The following CLEC16A variants were observed in gnomAD, a reference collection of about 807,000 sequenced individuals.
The protein encoded by CLEC16A is protein CLEC16A.
Under a neutral mutation model 109.5 loss-of-function variants are expected in CLEC16A, and 51 were observed. The observed-to-expected ratio is 0.47, with a 90% confidence interval of 0.37 to 0.59. The LOEUF (loss-of-function observed/expected upper bound fraction) is 0.59. CLEC16A is among the 20% of genes least tolerant of loss of function. The pLI, the probability that CLEC16A is intolerant of heterozygous loss-of-function variation, is 0.00. For missense variants in CLEC16A, 1,339 were observed against 1,394.0 expected (o/e 0.96, Z 0.63); for synonymous variants, 673 against 564.2 (o/e 1.19, Z -2.73).
chr16:11,036,856 C>A (rs62029605), intron 13 of CLEC16A, among the ~76,000 whole-genome samples: 1 of 152,156 alleles, frequency 6.6e-6, no homozygotes, highest in Non-Finnish European at 1.5e-5. Flanking sequence ...GCCTAACTTT[C>A]CTTTTATAAC....
intron 19 of CLEC16A, among the ~76,000 whole-genome samples, chr16:11,098,857 CAG>C (rs1403671267): frequency 6.6e-6 from 1 of 152,260 alleles, no homozygotes; most frequent in Non-Finnish European, 1.5e-5. Flanking sequence ...GGGGCCAGGA[CAG>C]AGAGATGCCC....
intron 13 of CLEC16A, among the ~76,000 whole-genome samples, chr16:11,032,844 C>T (rs1389056903): frequency 6.6e-6 from 1 of 152,108 alleles, no homozygotes; most frequent in Non-Finnish European, 1.5e-5. Flanking sequence ...TCATGAAGGG[C>T]CTTGAAGGCC....
chr16:11,107,562 C>T (rs1265038126), intron 19 of CLEC16A, among the ~76,000 whole-genome samples: 1 of 152,176 alleles, frequency 6.6e-6, no homozygotes, highest in Non-Finnish European at 1.5e-5. Flanking sequence ...ACAGTCTCAG[C>T]CCTTCTTTTG....
intron 1 of CLEC16A, among the ~76,000 whole-genome samples, chr16:10,955,086 G>A (rs781111284): frequency 1.3e-5 from 2 of 152,158 alleles, no homozygotes; most frequent in Non-Finnish European, 2.9e-5. Flanking sequence ...GCAGAGAGGT[G>A]AAGCGCCTTG....
At chr16:11,087,834 A>G (rs1352700612) in intron 19 of CLEC16A, among the ~76,000 whole-genome samples, 1 of 152,210 alleles carries the variant, frequency 6.6e-6, no homozygotes, top group East Asian at 1.9e-4. Context: ...TGGCCAGGTC[A>G]CTGTGCTGCT....
chr16:11,008,988 G>C (rs1016945715), intron 11 of CLEC16A, among the ~76,000 whole-genome samples: 1 of 152,134 alleles, frequency 6.6e-6, no homozygotes, highest in Non-Finnish European at 1.5e-5. Context: ...AGCAGAGCGA[G>C]ACTCTGTCTC....
intron 19 of CLEC16A, among the ~76,000 whole-genome samples, chr16:11,114,417 C>G (rs2082919914): frequency 6.6e-6 from 1 of 152,122 alleles, no homozygotes; most frequent in Non-Finnish European, 1.5e-5. Flanking sequence ...CTCATGTCAC[C>G]TGTCAGCTGC....
chr16:11,020,390 G>GT, intron 12 of CLEC16A, 65 bp downstream of exon 12: 9 of 1,503,416 alleles, frequency 6.0e-6, no homozygotes, highest in Non-Finnish European at 8.0e-6. Flanking sequence ...CAGTGGGGAG[G>GT]TTGAGCCCTA....
rs199868443 is a variant in CLEC16A, at chr16:10,971,106, G to C, written c.493-19G>C. 1 of 1,569,082 alleles carries C rather than the reference G, an allele frequency of 6.4e-7. No homozygotes were observed. Among genetic ancestry groups the C allele is most frequent in the Non-Finnish European group, 8.8e-7 (1 of 1,141,032 alleles). ...GCTTATGGGCTTATAATTTGTTTTC[G>C]TTATTTCTTTTGTTTTAGCACACCA... On this transcript the variant is annotated intron_variant, in intron 4 of 23. Coordinates refer to ENST00000409790, the MANE Select transcript of CLEC16A (RefSeq NM_015226.3).
intron 12 of CLEC16A, 109 bp downstream of exon 12, chr16:11,020,434 A>G (rs2046029382): frequency 2.3e-6 from 3 of 1,328,950 alleles, no homozygotes; most frequent in African/African-American, 1.5e-5. Flanking sequence ...CAGCCCGACC[A>G]TGCTGCCTCC....
intron 19 of CLEC16A, among the ~76,000 whole-genome samples, chr16:11,111,920 G>C (rs986466914): frequency 6.6e-6 from 1 of 152,200 alleles, no homozygotes; most frequent in Non-Finnish European, 1.5e-5. Flanking sequence ...CTCCTTTGCT[G>C]CTATAAATTT....
chr16:11,020,212 G>A lies in CLEC16A; in HGVS notation c.1323G>A (p.Met441Ile), dbSNP rs1357143323. The A allele has an allele frequency of 1.2e-6, 2 of 1,612,572 alleles. No homozygotes were observed. Among genetic ancestry groups the A allele is most frequent in the Non-Finnish European group, 1.7e-6 (2 of 1,179,132 alleles). The part of the protein sequence containing the change: ...GESEEIEMVI[M>I]ERSKLSELAA... Reference sequence around the variant, plus strand: ...TTCCAGAGATCGAGATGGTGATCATGGAGCGTAGCAAGCTCTCAGAGCTGG... The same window carrying A: ...TTCCAGAGATCGAGATGGTGATCATAGAGCGTAGCAAGCTCTCAGAGCTGG... The change falls in exon 12 of 24, where the codon ATG becomes ATA. Residue 441 changes from methionine (M) to isoleucine (I), a missense_variant. This residue lies in a region of CLEC16A where 1,061 missense variants were observed against 1,006.8 expected (regional missense o/e 1.05). Transcript: ENST00000409790.
At chr16:10,992,214 C>T (rs1172245309) in intron 10 of CLEC16A, among the ~76,000 whole-genome samples, 2 of 152,146 alleles carry the variant, frequency 1.3e-5, no homozygotes. Flanking sequence ...CACCAGATCT[C>T]ACTCCTCCTG....
intron 12 of CLEC16A, among the ~76,000 whole-genome samples, chr16:11,021,135 C>G (rs1317910718): frequency 6.6e-6 from 1 of 152,332 alleles, no homozygotes; most frequent in East Asian, 1.9e-4. Flanking sequence ...CACACGGCCC[C>G]CCATCCTCTT....
chr16:10,977,670 C>T (rs544964817), intron 8 of CLEC16A, among the ~76,000 whole-genome samples: 5 of 152,280 alleles, frequency 3.3e-5, no homozygotes, highest in East Asian at 3.9e-4. Context: ...CATACCACCA[C>T]GCCTGACTAA....
At chr16:11,156,109 C>T (rs2054505702) in intron 22 of CLEC16A, among the ~76,000 whole-genome samples, 1 of 152,170 alleles carries the variant, frequency 6.6e-6, no homozygotes, top group Admixed American at 6.5e-5. Context: ...TGCCTGTAAT[C>T]CCAGCACTTT....
chr16:10,971,872 T>A (rs1034901540), intron 5 of CLEC16A, among the ~76,000 whole-genome samples: 2 of 152,312 alleles, frequency 1.3e-5, no homozygotes, highest in African/African-American at 4.8e-5. Context: ...TGGGTTATTT[T>A]CCCCGGAGTC....
At chr16:10,970,873 C>T (rs1339357945) in intron 4 of CLEC16A, among the ~76,000 whole-genome samples, 1 of 152,234 alleles carries the variant, frequency 6.6e-6, no homozygotes, top group African/African-American at 2.4e-5. Flanking sequence ...CAGCCTCTCC[C>T]AAGTAGCTGG....
intron 23 of CLEC16A, among the ~76,000 whole-genome samples, chr16:11,171,938 A>G (rs1167735556): frequency 6.6e-6 from 1 of 152,000 alleles, no homozygotes; most frequent in Non-Finnish European, 1.5e-5. Context: ...ACACACTCAC[A>G]CATACAAGTG....
Sources: gnomAD v4.1 joint callset for allele counts (sites outside exome capture counted in the v4.1 genomes callset) on GRCh38, gnomAD v4.1.1 for gene constraint, gnomAD v4.1.1 regional missense constraint, MANE v1.5 for transcripts, NCBI Gene and HGNC (gene_info 2026-07-23, HGNC 2026-07-21) for gene names.